The following PCDHGA10 variants were observed in gnomAD, a reference collection of about 807,000 sequenced individuals.
The protein encoded by PCDHGA10 is protocadherin gamma-A10.
Under a neutral mutation model 59.5 loss-of-function variants are expected in PCDHGA10, and 42 were observed. That is an observed-to-expected ratio of 0.71 (90% CI 0.55 to 0.91). PCDHGA10 has a LOEUF of 0.91. PCDHGA10 is among the 40% of genes least tolerant of loss of function. The probability of loss-of-function intolerance (pLI) is 0.00; values close to 1 mark genes in which losing one functional copy is unlikely to be tolerated. For missense variants in PCDHGA10, 1,111 were observed against 1,198.2 expected (o/e 0.93, Z 1.07); for synonymous variants, 511 against 517.2 (o/e 0.99, Z 0.16).
chr5:141,431,147 G>A lies in PCDHGA10; in HGVS notation c.2436+15536G>A, dbSNP rs1303502732. ...AGAAGTAAGGGACATTAACGACAAT[G>A]CGCCTTACTTTCGTGAAAGTGAATT... On this transcript the variant is annotated intron_variant, in intron 1 of 3. Coordinates refer to ENST00000398610, the MANE Select transcript of PCDHGA10 (RefSeq NM_018913.3). The surrounding 1 kb of genome is among the most constrained non-coding windows in gnomAD (Gnocchi z 4.8). 6.2e-7 allele frequency: 1 copy of A among 1,614,228 alleles called. No homozygotes were observed. The highest frequency in any genetic ancestry group is 1.7e-5 in the Admixed American group (1 of 60,030).
intron 1 of PCDHGA10, chr5:141,478,693 G>A: frequency 6.4e-7 from 1 of 1,550,764 alleles, no homozygotes; most frequent in Non-Finnish European, 8.7e-7. Context: ...CTAGATCAAA[G>A]TTAGTGCCTT....
At chr5:141,508,017 G>C (rs2099865601) in intron 3 of PCDHGA10, 1 of 152,310 alleles carries the variant, frequency 6.6e-6, no homozygotes, top group Non-Finnish European at 1.5e-5. Context: ...TCTCAAGGAG[G>C]CTGCGGTTTG....
At chr5:141,480,178 C>T (rs143309515) in intron 1 of PCDHGA10, among the ~76,000 whole-genome samples, 346 of 150,752 alleles carry the variant, frequency 2.3e-3, no homozygotes, top group Non-Finnish European at 2.8e-3. Flanking sequence ...CTGAGGCAGG[C>T]GGATTGCTTG....
At chr5:141,419,465 G>C (rs568864628) in intron 1 of PCDHGA10, 77 of 1,612,426 alleles carry the variant, frequency 4.8e-5, no homozygotes, top group Non-Finnish European at 6.4e-5. Context: ...GCAGGCCCGC[G>C]ACCAGGGCTC....
At chr5:141,429,597 G>A (rs937301997) in intron 1 of PCDHGA10, among the ~76,000 whole-genome samples, 2 of 152,094 alleles carry the variant, frequency 1.3e-5, no homozygotes, top group Non-Finnish European at 2.9e-5. Flanking sequence ...TGTAATTCAA[G>A]TAAACTCAAT....
chr5:141,419,659 C>T (rs930108720), intron 1 of PCDHGA10: 2 of 1,612,608 alleles, frequency 1.2e-6, no homozygotes, highest in East Asian at 4.5e-5. Flanking sequence ...ACTCGGGGCA[C>T]AATGCCTGGC....
Position 141,489,338 on chromosome 5 carries a change from A to T in PCDHGA10, c.2437-5469A>T, listed in dbSNP as rs1303176012. 1 of 1,608,414 alleles carries T rather than the reference A, an allele frequency of 6.2e-7. No homozygotes were observed. Among genetic ancestry groups the T allele is most frequent in the South Asian group, 1.1e-5 (1 of 90,478 alleles). ...GGCTGGGTGTCTGGGCAGCTTCGTTACTCAGTGGTGGAGGAGTCTGAGCCG... is the reference window on the plus strand; with the variant it reads ...GGCTGGGTGTCTGGGCAGCTTCGTTTCTCAGTGGTGGAGGAGTCTGAGCCG... On this transcript the variant is annotated intron_variant, in intron 1 of 3. Coordinates refer to ENST00000398610, the MANE Select transcript of PCDHGA10 (RefSeq NM_018913.3). This position sits in a 1 kb window ranked among gnomAD's most constrained non-coding sequence, Gnocchi z 4.5.
intron 1 of PCDHGA10, among the ~76,000 whole-genome samples, chr5:141,438,591 CAT>C (rs946798767): frequency 2.9e-3 from 219 of 75,538 alleles, no homozygotes; most frequent in Middle Eastern, 0.016. Context: ...TACATACATA[CAT>C]ATATATATAT....
intron 1 of PCDHGA10, among the ~76,000 whole-genome samples, chr5:141,473,185 G>A (rs1171761852): frequency 1.3e-5 from 2 of 152,188 alleles, no homozygotes; most frequent in Non-Finnish European, 2.9e-5. Flanking sequence ...ACTTGAAGGA[G>A]TAAATGTATC....
At chr5:141,433,358 C>CCTAG (rs1554125965) in intron 1 of PCDHGA10, 2 of 498,106 alleles carry the variant, frequency 4.0e-6, no homozygotes, top group African/African-American at 4.2e-5. Flanking sequence ...CTACTGTCTG[C>CCTAG]CTATCTATCT....
intron 1 of PCDHGA10, among the ~76,000 whole-genome samples, chr5:141,460,807 A>G (rs2098998307): frequency 6.6e-6 from 1 of 151,962 alleles, no homozygotes; most frequent in Non-Finnish European, 1.5e-5. Context: ...ATATATATGT[A>G]TGTATACATA....
intron 1 of PCDHGA10, chr5:141,428,211 C>A: frequency 7.8e-7 from 1 of 1,284,316 alleles, no homozygotes; most frequent in Non-Finnish European, 1.1e-6. Context: ...CTACGCTTCA[C>A]CTAGTCTTCG....
chr5:141,500,400 G>A (rs2099799942), intron 2 of PCDHGA10, among the ~76,000 whole-genome samples: 1 of 151,666 alleles, frequency 6.6e-6, no homozygotes, highest in East Asian at 1.9e-4. Context: ...TAGTAGAGAC[G>A]GGGTTTCACC....
In PCDHGA10 at chr5:141,511,032, G is replaced by A; in HGVS notation, c.2670G>A (p.Gln890=). 1.2e-6 allele frequency: 2 copies of A among 1,614,228 alleles called. No homozygotes were observed. The highest frequency in any genetic ancestry group is 2.2e-5 in the East Asian group (1 of 44,888). The change falls in exon 4 of 4, where the codon CAG becomes CAA. Residue 890 remains glutamine, a synonymous_variant. Transcript: ENST00000398610. Reference sequence around the variant, plus strand: ...GCTACGGACCCCAGTTCACCCTGCAGCACGTGCCCGACTACCGCCAGAATG... The same window carrying A: ...GCTACGGACCCCAGTTCACCCTGCAACACGTGCCCGACTACCGCCAGAATG... ...SARYGPQFTL[Q]HVPDYRQNVY...
At position 141,491,222 on chromosome 5, in the gene PCDHGA10, C is replaced by A. The variant is rs1185734506; in HGVS notation, c.2437-3585C>A. 6.2e-7 allele frequency: 1 copy of A among 1,614,268 alleles called. No homozygotes were observed. Among genetic ancestry groups the A allele is most frequent in the East Asian group, 2.2e-5 (1 of 44,892 alleles). On this transcript the variant is annotated intron_variant, in intron 1 of 3. Transcript: ENST00000398610. This position sits in a 1 kb window ranked among gnomAD's most constrained non-coding sequence, Gnocchi z 6.9. Reference sequence around the variant, plus strand: ...GACCCTTCACTCTCCTCCACAGCCACAGTGCTGCTGGTTCTGGAGGATGAG... The same window carrying A: ...GACCCTTCACTCTCCTCCACAGCCAAAGTGCTGCTGGTTCTGGAGGATGAG...
intron 2 of PCDHGA10, among the ~76,000 whole-genome samples, chr5:141,501,290 T>TAC (rs55762287): frequency 0.12 from 16,682 of 135,960 alleles, 995 homozygotes; most frequent in African/African-American, 0.18. Flanking sequence ...TATTCCCTTA[T>TAC]ACACACACAC....
intron 1 of PCDHGA10, chr5:141,441,249 T>TA (rs981387539): frequency 2.0e-5 from 3 of 152,206 alleles, no homozygotes. Context: ...ACAAGATCTT[T>TA]AAATCACAAG....
chr5:141,460,741 A>C (rs1378900827), intron 1 of PCDHGA10, among the ~76,000 whole-genome samples: 1 of 152,128 alleles, frequency 6.6e-6, no homozygotes, highest in African/African-American at 2.4e-5. Flanking sequence ...CACATTGTAT[A>C]TATATGTGTA....
intron 1 of PCDHGA10, among the ~76,000 whole-genome samples, chr5:141,453,827 C>T (rs2098775483): frequency 6.6e-6 from 1 of 152,320 alleles, no homozygotes; most frequent in South Asian, 2.1e-4. Flanking sequence ...AACTTGGCTG[C>T]TAGCCCTTCA....
Sources: allele counts gnomAD v4.1 joint callset (sites outside exome capture counted in the v4.1 genomes callset), GRCh38; gene constraint gnomAD v4.1.1; non-coding constraint Gnocchi (gnomAD v3.1); transcripts MANE v1.5; gene names NCBI Gene and HGNC (gene_info 2026-07-23, HGNC 2026-07-21).